GFM2: variants seen among roughly 807,000 people sequenced by gnomAD.
GFM2 encodes the protein ribosome-releasing factor 2, mitochondrial.
In GFM2, 72 loss-of-function variants were observed where a neutral mutation model predicts 95.4. That is an observed-to-expected ratio of 0.76 (90% CI 0.62 to 0.92). GFM2 has a LOEUF of 0.92. Ranked by LOEUF, GFM2 falls within the 40% of genes least tolerant of loss-of-function variation. The pLI is 0.00. For missense variants in GFM2, 825 were observed against 924.1 expected (o/e 0.89, Z 1.39); for synonymous variants, 276 against 317.5 (o/e 0.87, Z 1.39).
At chr5:74,725,861 G>C (rs553982420) in intron 18 of GFM2, 80 bp downstream of exon 18, 1 of 1,474,062 alleles carries the variant, frequency 6.8e-7, no homozygotes, top group African/African-American at 1.4e-5. Context: ...TTAGGAAAAA[G>C]ACTGAAATAA....
At chr5:74,741,835 A>G in intron 10 of GFM2, 1 of 337,460 alleles carries the variant, frequency 3.0e-6, no homozygotes, top group South Asian at 9.6e-5. Context: ...AATTCACAGA[A>G]AGCCAGATCC....
intron 16 of GFM2, 138 bp from the exon 17 acceptor site, chr5:74,730,536 T>A (rs1407989073): frequency 3.8e-6 from 2 of 528,860 alleles, no homozygotes; most frequent in Non-Finnish European, 6.0e-6. Flanking sequence ...GGCCCGGGGC[T>A]TTTACATCAA....
chr5:74,745,603 A>T, intron 10 of GFM2, 75 bp downstream of exon 10: 3 of 1,262,540 alleles, frequency 2.4e-6, no homozygotes, highest in Non-Finnish European at 3.3e-6. Flanking sequence ...TCCCCGAGAG[A>T]TGCTAAAGTA....
chr5:74,738,886 A>C (rs1742975929), intron 12 of GFM2, among the ~76,000 whole-genome samples: 1 of 152,164 alleles, frequency 6.6e-6, no homozygotes, highest in African/African-American at 2.4e-5. Flanking sequence ...ATTTGTGAAT[A>C]ATTTCATTGC....
chr5:74,755,740 A>T (rs1743945631), intron 5 of GFM2, among the ~76,000 whole-genome samples: 1 of 152,138 alleles, frequency 6.6e-6, no homozygotes, highest in South Asian at 2.1e-4. Context: ...AGTTGCCAAC[A>T]AAAAAAGTCT....
At chr5:74,726,226 A>G in intron 17 of GFM2, 100 bp from the exon 18 acceptor site, 1 of 766,966 alleles carries the variant, frequency 1.3e-6, no homozygotes, top group Non-Finnish European at 2.1e-6. Flanking sequence ...AGGGTCTCAT[A>G]CAAGATAAAG....
At chr5:74,746,922 T>C (rs1743417150) in intron 8 of GFM2, among the ~76,000 whole-genome samples, 2 of 152,172 alleles carry the variant, frequency 1.3e-5, no homozygotes, top group Admixed American at 1.3e-4. Context: ...AGAATTACTA[T>C]AGAGAGGGAG....
rs926657942 is a variant in GFM2 at position 74,736,946 on chromosome 5, C to T, written c.1360G>A (p.Ala454Thr). The change falls in exon 15 of 21, where the codon GCA becomes ACA. Residue 454 changes from alanine to threonine, a missense_variant. Physicochemically the swap from Ala to Thr is moderately conservative, Grantham distance 58. Transcript: ENST00000296805. Reference protein sequence around the residue: ...GDTIVSSKSSALAAARRAERE... With the variant: ...GDTIVSSKSSTLAAARRAERE... ...TCGGCTCTACGAGCTGCAGCTAATG[C>T]ACTGGACTTGGATGAGACAATGGTG... 6.2e-7 allele frequency: 1 copy of T among 1,613,716 alleles called. No individual in the cohort carries two copies.
chr5:74,722,687 G>C (rs1354877118), intron 19 of GFM2, 126 bp from the exon 20 acceptor site: 2 of 672,554 alleles, frequency 3.0e-6, no homozygotes, highest in African/African-American at 3.6e-5. Flanking sequence ...CGTTTTATAA[G>C]ATGGCAACAA....
chr5:74,738,025 A>G (rs907146610), intron 14 of GFM2, among the ~76,000 whole-genome samples: 2 of 152,172 alleles, frequency 1.3e-5, no homozygotes, highest in African/African-American at 4.8e-5. Context: ...TATTTTATAT[A>G]AACTTAAAAC....
intron 7 of GFM2, among the ~76,000 whole-genome samples, chr5:74,748,850 G>GCTGGAATT (rs1743526453): frequency 7.3e-6 from 1 of 137,510 alleles, no homozygotes; most frequent in Non-Finnish European, 1.5e-5. Flanking sequence ...GGGCGACAGA[G>GCTGGAATT]TGAGACTCCT....
Position 74,740,151 on chromosome 5 carries a change from A to T in GFM2, c.931-14T>A, listed in dbSNP as rs1371158441. ...TGCAGTCTGTAGCTACAGAGCAGAGATACAAATGAGCATTTATTTTGTGTA... is the reference window on the plus strand; with the variant it reads ...TGCAGTCTGTAGCTACAGAGCAGAGTTACAAATGAGCATTTATTTTGTGTA... On this transcript the variant is annotated splice_polypyrimidine_tract_variant and intron_variant, in intron 11 of 20. Transcript: ENST00000296805. The T allele has an allele frequency of 1.3e-6, 2 of 1,587,944 alleles. No homozygotes were observed. Among genetic ancestry groups the T allele is most frequent in the Admixed American group, 1.9e-5 (1 of 53,432 alleles).
intron 17 of GFM2, among the ~76,000 whole-genome samples, chr5:74,729,214 G>C (rs138763907): frequency 6.6e-6 from 1 of 152,310 alleles, no homozygotes; most frequent in Non-Finnish European, 1.5e-5. Flanking sequence ...TTAGGCTAAA[G>C]ACCTGTATCA....
intron 16 of GFM2, among the ~76,000 whole-genome samples, chr5:74,732,011 G>T (rs1742589658): frequency 6.6e-6 from 1 of 151,146 alleles, no homozygotes; most frequent in Non-Finnish European, 1.5e-5. Flanking sequence ...CTAGAGTGCA[G>T]TGGTATGATC....
intron 11 of GFM2, among the ~76,000 whole-genome samples, chr5:74,740,946 G>C (rs1743078090): frequency 6.6e-6 from 1 of 151,996 alleles, no homozygotes; most frequent in African/African-American, 2.4e-5. Flanking sequence ...GTTTCATAAA[G>C]AAAAATAAAC....
At position 74,751,495 on chromosome 5, in the gene GFM2, T is replaced by C; in HGVS notation, c.305-2A>G. The stretch of plus-strand genomic sequence containing the variant: ...TCACTGTGTCTCCATCATCAACATC[T>C]AGCCAGGAAAAAGATGATACAGTTT... On this transcript the variant is annotated splice_acceptor_variant, in intron 5 of 20. Transcript: ENST00000296805. LOFTEE classifies it high-confidence loss of function. 23 of 1,606,372 alleles carry C rather than the reference T, an allele frequency of 1.4e-5. No individual in the cohort carries two copies. The highest frequency in any genetic ancestry group is 2.0e-5 in the Non-Finnish European group (23 of 1,173,282).
intron 1 of GFM2, 47 bp from the exon 2 acceptor site, chr5:74,763,813 C>G (rs751489076): frequency 1.8e-6 from 2 of 1,124,220 alleles, no homozygotes; most frequent in Admixed American, 1.7e-5. Flanking sequence ...TTATGTATTA[C>G]ATGTCAGCAA....
chr5:74,736,841 C>G lies in GFM2; in HGVS notation c.1465G>C (p.Val489Leu). The change falls in exon 15 of 21, where the codon GTT (valine) becomes CTT (leucine). Residue 489 changes from valine (V) to leucine (L), a missense_variant. By Grantham distance (32) the Val-to-Leu change is conservative (BLOSUM62 1). Transcript: ENST00000296805. ...GGGGGTTCTATGGTACAGAAGAAAA[C>G]AGGTTCTGGAATCTCCACTCCAGCC... Reference protein sequence around the residue: ...LLAGVEIPEPVFFCTIEPPSL... With the variant: ...LLAGVEIPEPLFFCTIEPPSL... The G allele has an allele frequency of 1.9e-6, 3 of 1,613,930 alleles. No individual in the cohort carries two copies. Among genetic ancestry groups the G allele is most frequent in the Non-Finnish European group, 2.5e-6 (3 of 1,179,868 alleles).
intron 11 of GFM2, among the ~76,000 whole-genome samples, chr5:74,741,083 A>T (rs1255448671): frequency 1.3e-5 from 2 of 152,206 alleles, no homozygotes; most frequent in African/African-American, 4.8e-5. Flanking sequence ...ACTGTATGTC[A>T]AAAGACAAAA....
Sources: allele counts gnomAD v4.1 joint callset (sites outside exome capture counted in the v4.1 genomes callset), GRCh38; gene constraint gnomAD v4.1.1; transcripts MANE v1.5; gene names NCBI Gene and HGNC (gene_info 2026-07-23, HGNC 2026-07-21).